The following CNTNAP2 variants were observed in gnomAD, a reference collection of about 807,000 sequenced individuals.
CNTNAP2 encodes the protein contactin associated protein 2.
In CNTNAP2, 98 loss-of-function variants were observed where a neutral mutation model predicts 155.2. The observed-to-expected ratio is 0.63, with a 90% confidence interval of 0.54 to 0.75. CNTNAP2 has a LOEUF of 0.75. Ranked by LOEUF, CNTNAP2 falls within the 30% of genes least tolerant of loss-of-function variation. The pLI, the probability that CNTNAP2 is intolerant of heterozygous loss-of-function variation, is 0.00. For synonymous variants in CNTNAP2, 651 were observed against 631.2 expected, an observed-to-expected ratio of 1.03 and a Z score of -0.47; for missense variants, 1,727 against 1,688.1, an observed-to-expected ratio of 1.02 and a Z score of -0.40.
At chr7:147,956,838 G>T (rs1422677618) in intron 14 of CNTNAP2, among the ~76,000 whole-genome samples, 1 of 152,102 alleles carries the variant, frequency 6.6e-6, no homozygotes, top group African/African-American at 2.4e-5. Context: ...GAGGTGTGGA[G>T]GGAAAAAGTC....
At chr7:146,560,097 C>T (rs1415249325) in intron 1 of CNTNAP2, among the ~76,000 whole-genome samples, 1 of 152,046 alleles carries the variant, frequency 6.6e-6, no homozygotes, top group African/African-American at 2.4e-5. Context: ...TAAATTCTAG[C>T]CAGAATTTGG....
In CNTNAP2 at chr7:146,950,635, A is replaced by G. The variant is rs770145693; in HGVS notation, c.403-93272A>G. Among the ~76,000 whole-genome samples, 22 of 152,058 alleles carry G rather than the reference A, an allele frequency of 1.4e-4. 1 individual carries two copies. Among genetic ancestry groups the G allele is most frequent in the Admixed American group, 1.4e-3 (21 of 15,262 alleles). On this transcript the variant is annotated intron_variant, in intron 3 of 23. Transcript: ENST00000361727. ...AAAGGACATGAACTCATTCTTTTCT[A>G]TGGCTGCATAATATTCCATGGTGTA... is the stretch of plus-strand genomic sequence containing the variant.
At chr7:146,664,697 A>C (rs1800160075) in intron 1 of CNTNAP2, among the ~76,000 whole-genome samples, 1 of 152,120 alleles carries the variant, frequency 6.6e-6, no homozygotes, top group Admixed American at 6.5e-5. Flanking sequence ...ATTGTTAGCA[A>C]GATTGTTTAG....
intron 3 of CNTNAP2, among the ~76,000 whole-genome samples, chr7:146,964,761 C>T (rs1797622668): frequency 6.6e-6 from 1 of 152,096 alleles, no homozygotes; most frequent in African/African-American, 2.4e-5. Context: ...TATCGGTCAG[C>T]CAAACGATGT....
At chr7:147,772,723 C>T (rs779381697) in intron 13 of CNTNAP2, among the ~76,000 whole-genome samples, 7 of 152,008 alleles carry the variant, frequency 4.6e-5, no homozygotes, top group African/African-American at 7.2e-5. Flanking sequence ...AGTAACCTAA[C>T]TGGACTCTAG....
intron 18 of CNTNAP2, among the ~76,000 whole-genome samples, chr7:148,191,650 T>C (rs1420316740): frequency 6.6e-6 from 1 of 152,092 alleles, no homozygotes; most frequent in African/African-American, 2.4e-5. Flanking sequence ...TTTCTTCATA[T>C]GGCAGAAGGA....
At chr7:148,157,770 C>A (rs1163796358) in intron 17 of CNTNAP2, among the ~76,000 whole-genome samples, 2 of 152,070 alleles carry the variant, frequency 1.3e-5, no homozygotes, top group Non-Finnish European at 2.9e-5. Flanking sequence ...TTGGTTCTCT[C>A]TGGGATAGAA....
chr7:147,439,781 A>G (rs192750924), intron 10 of CNTNAP2, among the ~76,000 whole-genome samples: 2 of 152,138 alleles, frequency 1.3e-5, no homozygotes, highest in Admixed American at 6.5e-5. Context: ...GTGCATATAT[A>G]TTTAAAATTG....
intron 3 of CNTNAP2, among the ~76,000 whole-genome samples, chr7:146,937,710 ATGG>A (rs1253355484): frequency 6.6e-6 from 1 of 152,176 alleles, no homozygotes; most frequent in Non-Finnish European, 1.5e-5. Flanking sequence ...TGTAAGAGAG[ATGG>A]TGTTGAATAT....
At chr7:146,723,538 GATAT>G (rs904726446) in intron 1 of CNTNAP2, among the ~76,000 whole-genome samples, 1 of 152,128 alleles carries the variant, frequency 6.6e-6, no homozygotes, top group Non-Finnish European at 1.5e-5. Context: ...TCAGAATGAT[GATAT>G]ATATAGCCAA....
chr7:147,164,363 G>A (rs940661029), intron 8 of CNTNAP2, among the ~76,000 whole-genome samples: 1 of 152,186 alleles, frequency 6.6e-6, no homozygotes, highest in Admixed American at 6.5e-5. Flanking sequence ...CAAGTAGTTA[G>A]GCTCTGCGCC....
At chr7:146,251,176 G>A (rs543514202) in intron 1 of CNTNAP2, among the ~76,000 whole-genome samples, 23 of 152,044 alleles carry the variant, frequency 1.5e-4, no homozygotes, top group African/African-American at 5.3e-4. Flanking sequence ...ATTAGACAAA[G>A]GCATACAACT....
chr7:147,110,950 C>T (rs191797937), intron 5 of CNTNAP2, among the ~76,000 whole-genome samples: 13 of 152,258 alleles, frequency 8.5e-5, no homozygotes, highest in South Asian at 2.1e-4. Flanking sequence ...GGAATCTTCA[C>T]GCTGTCTTCC....
chr7:146,303,605 C>G (rs1800653756), intron 1 of CNTNAP2, among the ~76,000 whole-genome samples: 1 of 152,042 alleles, frequency 6.6e-6, no homozygotes, highest in Admixed American at 6.6e-5. Flanking sequence ...ATCCTGAGTT[C>G]TAGTTTGATT....
At chr7:148,182,432 G>A (rs1161308991) in intron 18 of CNTNAP2, among the ~76,000 whole-genome samples, 1 of 149,018 alleles carries the variant, frequency 6.7e-6, no homozygotes, top group African/African-American at 2.4e-5. Context: ...ATGAAGACCT[G>A]CCTCTGACAT....
At chr7:146,906,159 G>A (rs1470531061) in intron 3 of CNTNAP2, among the ~76,000 whole-genome samples, 1 of 152,168 alleles carries the variant, frequency 6.6e-6, no homozygotes, top group Non-Finnish European at 1.5e-5. Flanking sequence ...CTACGCCCAC[G>A]GAGTCTCGCT....
chr7:146,859,734 AC>A (rs1275833637), intron 3 of CNTNAP2, among the ~76,000 whole-genome samples: 1 of 152,084 alleles, frequency 6.6e-6, no homozygotes, highest in East Asian at 1.9e-4. Flanking sequence ...TCCACCTCCA[AC>A]CCAACTCAAT....
chr7:148,102,075 C>G (rs1281294283), intron 15 of CNTNAP2, among the ~76,000 whole-genome samples: 1 of 151,982 alleles, frequency 6.6e-6, no homozygotes, highest in African/African-American at 2.4e-5. Context: ...ATTTTGTCAC[C>G]CAGGTACTAA....
At chr7:146,768,312 T>G (rs1585081247) in intron 1 of CNTNAP2, among the ~76,000 whole-genome samples, 1 of 150,766 alleles carries the variant, frequency 6.6e-6, no homozygotes, top group African/African-American at 2.4e-5. Context: ...CCTCAAGAGG[T>G]CTTTTGTCTT....
Sources: allele counts gnomAD v4.1 joint callset (sites outside exome capture counted in the v4.1 genomes callset), GRCh38; gene constraint gnomAD v4.1.1; transcripts MANE v1.5; gene names NCBI Gene and HGNC (gene_info 2026-07-23, HGNC 2026-07-21).